XNDC1N: variants seen among roughly 807,000 people sequenced by gnomAD.
XNDC1N encodes the protein protein XNDC1N.
At chr11:71,878,075 C>A in the XNDC1N span, among the ~76,000 whole-genome samples, 1 of 152,154 alleles carries the variant, frequency 6.6e-6, no homozygotes, top group East Asian at 1.9e-4. Flanking sequence ...TGTTGTATTA[C>A]GTGGTTCTTC....
chr11:71,919,319 G>C, the XNDC1N span, among the ~76,000 whole-genome samples: 2 of 151,742 alleles, frequency 1.3e-5, no homozygotes, highest in Non-Finnish European at 2.9e-5. Context: ...GAGAGGTTCA[G>C]AAACTTACTG....
the XNDC1N span, among the ~76,000 whole-genome samples, chr11:71,887,245 G>A: frequency 0.027 from 4,068 of 152,042 alleles, no homozygotes; most frequent in East Asian, 0.075. Flanking sequence ...AGCCACGGGG[G>A]TTTCAGCAAA....
chr11:71,881,158 C>T, the XNDC1N span, among the ~76,000 whole-genome samples: 1 of 152,170 alleles, frequency 6.6e-6, no homozygotes, highest in African/African-American at 2.4e-5. Flanking sequence ...CTCTCTTTAG[C>T]TCTAATGACA....
At chr11:71,886,046 G>A in the XNDC1N span, among the ~76,000 whole-genome samples, 3 of 151,904 alleles carry the variant, frequency 2.0e-5, no homozygotes, top group Non-Finnish European at 4.4e-5. Flanking sequence ...TCCTCCCTCG[G>A]CAGCTCGTTT....
At chr11:71,887,737 G>A in the XNDC1N span, among the ~76,000 whole-genome samples, 1 of 152,212 alleles carries the variant, frequency 6.6e-6, no homozygotes, top group Admixed American at 6.5e-5. Context: ...CACGGACCAA[G>A]AACTACCAGC....
the XNDC1N span, chr11:71,917,802 A>T: frequency 1.4e-5 from 10 of 702,106 alleles, no homozygotes; most frequent in Non-Finnish European, 2.6e-5. Context: ...TGAGAGAAGG[A>T]TAAGAGGAAT....
the XNDC1N span, among the ~76,000 whole-genome samples, chr11:71,866,890 G>A: frequency 6.6e-6 from 1 of 152,020 alleles, no homozygotes; most frequent in Admixed American, 6.6e-5. Context: ...TGATATGATC[G>A]AGACAATAGA....
At chr11:71,876,301 T>G in the XNDC1N span, among the ~76,000 whole-genome samples, 1 of 152,232 alleles carries the variant, frequency 6.6e-6, no homozygotes, top group Non-Finnish European at 1.5e-5. Context: ...GATAGCTTGA[T>G]AGCTATCTGA....
the XNDC1N span, chr11:71,903,445 A>T: frequency 7.3e-6 from 7 of 956,150 alleles, no homozygotes; most frequent in Non-Finnish European, 5.1e-6. Flanking sequence ...GTGGACATCC[A>T]GTCTCACAGC....
the XNDC1N span, among the ~76,000 whole-genome samples, chr11:71,867,023 G>A: frequency 2.0e-3 from 309 of 152,208 alleles, 2 homozygotes; most frequent in African/African-American, 7.1e-3. Context: ...TATTTTTGCT[G>A]CTGTAAGAAC....
chr11:71,876,938 G>A, the XNDC1N span, among the ~76,000 whole-genome samples: 1 of 152,200 alleles, frequency 6.6e-6, no homozygotes, highest in East Asian at 1.9e-4. Flanking sequence ...AGTTTCTAGG[G>A]TGCTGGCAGA....
At chr11:71,897,293 A>C in the XNDC1N span, among the ~76,000 whole-genome samples, 6,757 of 152,278 alleles carry the variant, frequency 0.044, 504 homozygotes, top group African/African-American at 0.16. Flanking sequence ...TGAAAACATA[A>C]CCCATGGATT....
chr11:71,924,021 G>A, the XNDC1N span, among the ~76,000 whole-genome samples: 1 of 152,166 alleles, frequency 6.6e-6, no homozygotes, highest in Non-Finnish European at 1.5e-5. Flanking sequence ...ATATAGGTGA[G>A]TTCTCAAGGG....
At chr11:71,876,884 G>A in the XNDC1N span, among the ~76,000 whole-genome samples, 1 of 152,236 alleles carries the variant, frequency 6.6e-6, no homozygotes, top group Admixed American at 6.5e-5. Flanking sequence ...AGTAAATGGA[G>A]CAGTCAGCAA....
the XNDC1N span, among the ~76,000 whole-genome samples, chr11:71,897,122 A>G: frequency 6.6e-6 from 1 of 152,212 alleles, no homozygotes; most frequent in Non-Finnish European, 1.5e-5. Context: ...AAAGTATGAC[A>G]CGCCTAAAAG....
the XNDC1N span, among the ~76,000 whole-genome samples, chr11:71,882,947 G>C: frequency 4.6e-5 from 7 of 152,218 alleles, no homozygotes; most frequent in African/African-American, 4.8e-5. Context: ...TGTTTCTATA[G>C]CACTAACAGC....
chr11:71,889,005 G>A, the XNDC1N span, among the ~76,000 whole-genome samples: 1 of 152,316 alleles, frequency 6.6e-6, no homozygotes, highest in East Asian at 1.9e-4. Flanking sequence ...GATGGGAGCA[G>A]CTTCTTCAAC....
chr11:71,898,563 C>T, the XNDC1N span, among the ~76,000 whole-genome samples: 3 of 151,846 alleles, frequency 2.0e-5, no homozygotes, highest in East Asian at 2.0e-4. Context: ...GGCGACATCA[C>T]GCCACTGCAC....
At chr11:71,869,984 C>A in the XNDC1N span, among the ~76,000 whole-genome samples, 1 of 152,162 alleles carries the variant, frequency 6.6e-6, no homozygotes, top group Non-Finnish European at 1.5e-5. Flanking sequence ...GCTCACAATT[C>A]CACATTGTTA....
Sources: allele counts gnomAD v4.1 joint callset (sites outside exome capture counted in the v4.1 genomes callset), GRCh38; gene constraint gnomAD v4.1.1; transcripts MANE v1.5; gene names NCBI Gene and HGNC (gene_info 2026-07-23, HGNC 2026-07-21).